The following BCLAF1 variants were observed in gnomAD, a reference collection of about 807,000 sequenced individuals.
BCLAF1 encodes the protein BCL2 associated transcription factor 1.
Under a neutral mutation model 99.5 loss-of-function variants are expected in BCLAF1, and 10 were observed. The ratio of observed to expected loss-of-function variants is 0.10; its 90% CI spans 0.06 to 0.17. The LOEUF (loss-of-function observed/expected upper bound fraction) is 0.17. Ranked by LOEUF, BCLAF1 falls within the 10% of genes least tolerant of loss-of-function variation. The pLI, the probability that BCLAF1 is intolerant of heterozygous loss-of-function variation, is 1.00. For synonymous variants in BCLAF1, 255 were observed against 370.9 expected (o/e 0.69, Z 3.59); for missense variants, 636 against 1,105.8 (o/e 0.58, Z 6.02).
chr6:136,280,023 G>A, intron 2 of BCLAF1, 147 bp from the exon 3 acceptor site: 4 of 1,031,520 alleles, frequency 3.9e-6, no homozygotes, highest in Non-Finnish European at 5.0e-6. Context: ...GTATTCAGAA[G>A]ACAAGTCAAT....
At chr6:136,284,128 G>GTATATATA (rs1242722909) in intron 1 of BCLAF1, among the ~76,000 whole-genome samples, 1,172 of 81,194 alleles carry the variant, frequency 0.014, 29 homozygotes, top group African/African-American at 0.05. Flanking sequence ...GTGTGTGTGT[G>GTATATATA]TGTATATATA....
chr6:136,274,421 G>T (rs1782970412), intron 6 of BCLAF1, among the ~76,000 whole-genome samples: 1 of 149,264 alleles, frequency 6.7e-6, no homozygotes, highest in South Asian at 2.1e-4. Context: ...AAAAAAAAAA[G>T]AATGTTTCAT....
chr6:136,287,616 A>T (rs1317171389), intron 1 of BCLAF1, among the ~76,000 whole-genome samples: 1 of 152,264 alleles, frequency 6.6e-6, no homozygotes, highest in Non-Finnish European at 1.5e-5. Context: ...TTTCCAACGT[A>T]GTTTCCAGAA....
chr6:136,261,569 G>A (rs1463236898), intron 11 of BCLAF1, 92 bp from the exon 12 acceptor site: 7 of 1,310,404 alleles, frequency 5.3e-6, no homozygotes, highest in South Asian at 4.1e-5. Flanking sequence ...ATCTTCTGAA[G>A]ATTGGGTATA....
chr6:136,284,135 T>TATATATATATAC (rs1784786011), intron 1 of BCLAF1, among the ~76,000 whole-genome samples: 1 of 70,970 alleles, frequency 1.4e-5, no homozygotes, highest in African/African-American at 3.1e-5. Flanking sequence ...TGTGTGTATA[T>TATATATATATAC]ATATATATAT....
Position 136,267,015 on chromosome 6 carries a change from T to A in BCLAF1, c.2544+14A>T. ...TTAATGCAAACCAAATAAACACAGA[T>A]GTCTAACACCCACCAAGAAGTACTT... On this transcript the variant is annotated intron_variant, in intron 11 of 12. Coordinates refer to ENST00000531224, the MANE Select transcript of BCLAF1 (RefSeq NM_014739.3). The A allele has an allele frequency of 6.2e-7, 1 of 1,611,996 alleles. No homozygotes were observed. Among genetic ancestry groups the A allele is most frequent in the Non-Finnish European group, 8.5e-7 (1 of 1,178,700 alleles).
chr6:136,266,052 T>C (rs1781671096), intron 11 of BCLAF1, among the ~76,000 whole-genome samples: 1 of 152,138 alleles, frequency 6.6e-6, no homozygotes, highest in Non-Finnish European at 1.5e-5. Flanking sequence ...AACTTTTTTT[T>C]TTTGGTTCTT....
rs748304265 is a variant in BCLAF1, at chr6:136,261,434, C to G, written c.2588G>C (p.Gly863Ala). The G allele has an allele frequency of 3.7e-6, 6 of 1,613,606 alleles. No individual in the cohort carries two copies. In the South Asian group the frequency reaches 6.6e-5, roughly 18 times the overall value. ...ACGTTGAAAAGTACCACGACCTCTTCCTCTTTTGGCCCAATAATCCACACC... is the reference window on the plus strand; with the variant it reads ...ACGTTGAAAAGTACCACGACCTCTTGCTCTTTTGGCCCAATAATCCACACC... The part of the protein sequence containing the change: ...DDGVDYWAKR[G>A]RGRGTFQRGR... The change falls in exon 12 of 13, where the codon GGA becomes GCA. Residue 863 changes from glycine to alanine, a missense_variant. By Grantham distance (60) the Gly-to-Ala change is moderately conservative. Around this residue, in one of 9 missense-constraint regions of BCLAF1, gnomAD observed 57 missense variants for 116.7 expected, o/e 0.49. Coordinates refer to ENST00000531224, the MANE Select transcript of BCLAF1 (RefSeq NM_014739.3).
At chr6:136,288,468 T>A (rs551468145) in intron 1 of BCLAF1, among the ~76,000 whole-genome samples, 163 of 152,332 alleles carry the variant, frequency 1.1e-3, no homozygotes, top group African/African-American at 3.8e-3. Context: ...CTGAACAGTA[T>A]CCTAACCATT....
intron 6 of BCLAF1, among the ~76,000 whole-genome samples, chr6:136,274,943 T>C (rs1202228961): frequency 1.3e-5 from 2 of 152,082 alleles, no homozygotes; most frequent in Non-Finnish European, 2.9e-5. Flanking sequence ...ACTATTCATG[T>C]AATCAGTATT....
intron 1 of BCLAF1, among the ~76,000 whole-genome samples, chr6:136,286,577 CTAACCACGTTTACT>C (rs1234304492): frequency 6.6e-6 from 1 of 152,234 alleles, no homozygotes; most frequent in East Asian, 1.9e-4. Flanking sequence ...TTTCTGCAAG[CTAACCACGTTTACT>C]TAAAATGATT....
intron 1 of BCLAF1, among the ~76,000 whole-genome samples, chr6:136,283,560 G>T (rs546699164): frequency 6.6e-6 from 1 of 152,136 alleles, no homozygotes; most frequent in Admixed American, 6.5e-5. Flanking sequence ...TCAAGTATGT[G>T]CAAAGGATAG....
intron 11 of BCLAF1, among the ~76,000 whole-genome samples, chr6:136,266,460 C>T (rs1314670705): frequency 6.6e-6 from 1 of 151,966 alleles, no homozygotes; most frequent in Non-Finnish European, 1.5e-5. Flanking sequence ...CAGGACCTAC[C>T]ACCTCTAGCT....
intron 3 of BCLAF1, chr6:136,279,471 T>C (rs1239771128): frequency 5.3e-6 from 1 of 188,478 alleles, no homozygotes; most frequent in African/African-American, 2.3e-5. Context: ...CATTACCCAA[T>C]TCATCTCTTA....
chr6:136,267,523 C>T (rs1781883039), intron 10 of BCLAF1, among the ~76,000 whole-genome samples: 1 of 151,856 alleles, frequency 6.6e-6, no homozygotes, highest in Non-Finnish European at 1.5e-5. Flanking sequence ...CCATACCTAT[C>T]ACCATACAAG....
rs1554219522 is a variant in BCLAF1, at chr6:136,279,026, C to CACGT, written c.105-251_105-250insACGT. Among the ~76,000 whole-genome samples, 853 of 151,190 alleles carry CACGT rather than the reference C, an allele frequency of 5.6e-3. 13 individuals carry two copies. Among genetic ancestry groups the CACGT allele is most frequent in the African/African-American group, 0.018 (748 of 41,094 alleles). ...ACACACACACACACACACACACACA[C>CACGT]GCATGTGTTATATATATCACATGCA... On this transcript the variant is annotated intron_variant, in intron 3 of 12. Transcript: ENST00000531224.
Position 136,258,290 on chromosome 6 carries a change from A to G in BCLAF1, c.*2820T>C, listed in dbSNP as rs1313538686. On this transcript the variant is annotated 3_prime_UTR_variant, in exon 13 of 13. Coordinates refer to ENST00000531224, the MANE Select transcript of BCLAF1 (RefSeq NM_014739.3). The stretch of plus-strand genomic sequence containing the variant: ...AGATTAACGTAAGAAAACGAGGACT[A>G]AACTGGACATCCAGAATTCCTTTAT... 6.6e-6 allele frequency: 1 copy of G among 152,132 alleles called. No homozygotes were observed. The highest frequency in any genetic ancestry group is 2.4e-5 in the African/African-American group (1 of 41,462). 9.4% of individuals were successfully genotyped at this position (152,132 alleles called of 1,614,324 possible).
At chr6:136,280,882 A>G (rs1784303533) in intron 2 of BCLAF1, among the ~76,000 whole-genome samples, 1 of 152,200 alleles carries the variant, frequency 6.6e-6, no homozygotes, top group Non-Finnish European at 1.5e-5. Context: ...AACTTACTCA[A>G]AAAGTATTCA....
chr6:136,268,648 G>A, intron 9 of BCLAF1: 1 of 241,282 alleles, frequency 4.1e-6, no homozygotes, highest in Non-Finnish European at 8.2e-6. Context: ...TTTAATGAAA[G>A]GAAGAGAAGA....
Sources: allele counts gnomAD v4.1 joint callset (sites outside exome capture counted in the v4.1 genomes callset), GRCh38; gene constraint gnomAD v4.1.1; regional missense constraint gnomAD v4.1.1; transcripts MANE v1.5; gene names NCBI Gene and HGNC (gene_info 2026-07-23, HGNC 2026-07-21).